AQR: variants seen among roughly 807,000 people sequenced by gnomAD.
AQR encodes the protein aquarius intron-binding spliceosomal factor.
Under a neutral mutation model 180.5 loss-of-function variants are expected in AQR, and 61 were observed. The ratio of observed to expected loss-of-function variants is 0.34; its 90% CI spans 0.28 to 0.42. AQR has a LOEUF of 0.42. Among genes scored for constraint, AQR ranks in the 10% least tolerant of loss-of-function variants. AQR has a pLI of 1.00. For synonymous variants in AQR, 551 were observed against 588.8 expected, an observed-to-expected ratio of 0.94 and a Z score of 0.93; for missense variants, 1,281 against 1,798.3, an observed-to-expected ratio of 0.71 and a Z score of 5.20.
At chr15:34,965,942 A>T (rs1424766153) in intron 1 of AQR, among the ~76,000 whole-genome samples, 2 of 152,208 alleles carry the variant, frequency 1.3e-5, no homozygotes, top group Non-Finnish European at 2.9e-5. Flanking sequence ...TTGATTAAAG[A>T]TTAGCAAACA....
intron 30 of AQR, among the ~76,000 whole-genome samples, chr15:34,872,893 C>T (rs1566979695): frequency 6.6e-6 from 1 of 151,948 alleles, no homozygotes; most frequent in Non-Finnish European, 1.5e-5. Flanking sequence ...TGCTACCAAC[C>T]AAAGACTATA....
At chr15:34,857,174 A>G in intron 34 of AQR, 68 bp from the exon 35 acceptor site, 1 of 1,410,814 alleles carries the variant, frequency 7.1e-7, no homozygotes, top group East Asian at 2.4e-5. Context: ...AAGCTCTCAC[A>G]TTACCATTCT....
chr15:34,922,588 T>C (rs1340841534), intron 13 of AQR, among the ~76,000 whole-genome samples: 2 of 152,114 alleles, frequency 1.3e-5, no homozygotes, highest in Non-Finnish European at 2.9e-5. Context: ...AGGGTCTTAC[T>C]CTGTCATCCA....
intron 13 of AQR, among the ~76,000 whole-genome samples, chr15:34,925,810 G>A (rs1893752357): frequency 6.6e-6 from 1 of 150,948 alleles, no homozygotes. Context: ...TCCAGCCTGG[G>A]CAATAGAGCA....
At position 34,933,832 on chromosome 15, in the gene AQR, C is replaced by G. The variant is rs369924283; in HGVS notation, c.783+739G>C. On this transcript the variant is annotated intron_variant, in intron 10 of 34. Coordinates refer to ENST00000156471, the MANE Select transcript of AQR (RefSeq NM_014691.3). ...GTGATGAATAAATACTTCATATAGA[C>G]CAGGCACGGTGGCTCACGCCTATAA... Among the ~76,000 whole-genome samples, 24 of 152,290 alleles carry G rather than the reference C, an allele frequency of 1.6e-4. 6 individuals are homozygous for G. The highest frequency in any genetic ancestry group is 3.9e-4 in the East Asian group (2 of 5,178).
intron 13 of AQR, among the ~76,000 whole-genome samples, chr15:34,921,433 CAA>C (rs71119990): frequency 0.15 from 11,211 of 74,488 alleles, 398 homozygotes; most frequent in Middle Eastern, 0.23. Context: ...GACTCCATCT[CAA>C]AAAAAAAAAA....
chr15:34,946,522 A>G (rs1894121018), intron 5 of AQR, among the ~76,000 whole-genome samples: 1 of 123,586 alleles, frequency 8.1e-6, no homozygotes, highest in African/African-American at 3.1e-5. Flanking sequence ...CCCGTCCGGG[A>G]GGGAGGTGAG....
chr15:34,870,479 A>C (rs1455938108), intron 31 of AQR, among the ~76,000 whole-genome samples: 1 of 152,186 alleles, frequency 6.6e-6, no homozygotes, highest in Non-Finnish European at 1.5e-5. Flanking sequence ...GTAACAGTAC[A>C]CATATTATAA....
chr15:34,930,127 A>G (rs915892496), intron 12 of AQR, 131 bp downstream of exon 12: 2 of 510,548 alleles, frequency 3.9e-6, no homozygotes, highest in Admixed American at 3.3e-5. Context: ...TGGAAAAAGA[A>G]ACGTTAAAAA....
chr15:34,966,597 G>A (rs2050310710), intron 1 of AQR, among the ~76,000 whole-genome samples: 1 of 152,208 alleles, frequency 6.6e-6, no homozygotes, highest in Non-Finnish European at 1.5e-5. Flanking sequence ...CTGTGTGTTA[G>A]ATTGTGAGAA....
Position 34,854,883 on chromosome 15 carries a change from T to C in AQR, c.*1909A>G, listed in dbSNP as rs1368726200. On this transcript the variant is annotated 3_prime_UTR_variant, in exon 35 of 35. Transcript: ENST00000156471. ...AAGGGAGAGAGAAAAATCAATCTTT[T>C]CCAGGAAAGATGGTAATACAGTAAA... 6.6e-6 allele frequency: 1 copy of C among 152,180 alleles called. No individual in the cohort carries two copies. Among genetic ancestry groups the C allele is most frequent in the Non-Finnish European group, 1.5e-5 (1 of 68,026 alleles). The allele number at this position is 152,180 out of a possible 1,614,324, so 9.4% of individuals were successfully genotyped here.
At chr15:34,962,927 T>C (rs115160129) in intron 2 of AQR, among the ~76,000 whole-genome samples, 2,840 of 152,010 alleles carry the variant, frequency 0.019, 81 homozygotes, top group African/African-American at 0.065. Context: ...AGCTTAAGAG[T>C]CTTCATTACT....
At chr15:34,961,022 T>C (rs1001144927) in intron 2 of AQR, among the ~76,000 whole-genome samples, 15 of 152,010 alleles carry the variant, frequency 9.9e-5, no homozygotes, top group Non-Finnish European at 2.1e-4. Context: ...AAAAAACAAA[T>C]AATAAAACAG....
chr15:34,893,346 G>A lies in AQR; in HGVS notation c.2571+317C>T, dbSNP rs532007697. Among the ~76,000 whole-genome samples, 66 of 152,178 alleles carry A rather than the reference G, an allele frequency of 4.3e-4. 3 individuals carry two copies. The South Asian group carries it at 0.012, about 27-fold the overall frequency. On this transcript the variant is annotated intron_variant, in intron 23 of 34. Transcript: ENST00000156471. Reference sequence around the variant, plus strand: ...AAGCTTTTCTAAATATGGTCACTGCGTGATGGGGAAGCAAGGGAGAGGAGG... The same window carrying A: ...AAGCTTTTCTAAATATGGTCACTGCATGATGGGGAAGCAAGGGAGAGGAGG...
In AQR at chr15:34,915,193, A is replaced by G; in HGVS notation, c.1343-14T>C. 1 of 1,573,708 alleles carries G rather than the reference A, an allele frequency of 6.4e-7. No homozygotes were observed. The highest frequency in any genetic ancestry group is 8.6e-7 in the Non-Finnish European group (1 of 1,167,762). ...GAGCAAGACAACCTGAAAAGGAAAA[A>G]AACATCCATATTTCAATTTTTTTTT... On this transcript the variant is annotated splice_polypyrimidine_tract_variant and intron_variant, in intron 15 of 34. Coordinates refer to ENST00000156471, the MANE Select transcript of AQR (RefSeq NM_014691.3).
intron 25 of AQR, 124 bp from the exon 26 acceptor site, chr15:34,884,858 T>C (rs1259073398): frequency 2.8e-6 from 2 of 722,918 alleles, no homozygotes; most frequent in South Asian, 1.8e-5. Context: ...ATTCAATCTT[T>C]GATCCAATAT....
At chr15:34,954,789 C>A (rs1324309451) in intron 3 of AQR, among the ~76,000 whole-genome samples, 1 of 152,000 alleles carries the variant, frequency 6.6e-6, no homozygotes, top group Non-Finnish European at 1.5e-5. Flanking sequence ...TTAAAAAAAA[C>A]AGGTCTATGA....
At position 34,943,197 on chromosome 15, in the gene AQR, C is replaced by T. The variant is rs567099420; in HGVS notation, c.471+1091G>A. On this transcript the variant is annotated intron_variant, in intron 6 of 34. Coordinates refer to ENST00000156471, the MANE Select transcript of AQR (RefSeq NM_014691.3). ...TTCTCTGTATGCCCAGGGAAAGCGG[C>T]GTTATGACAGGAAGCAGAGTGGCTA... 13 of 1,610,218 alleles carry T rather than the reference C, an allele frequency of 8.1e-6. No individual in the cohort carries two copies. The East Asian group carries it at 2.2e-4, about 28-fold the overall frequency.
rs1894160224 is a variant in AQR, at chr15:34,948,318, C to T, written c.276G>A (p.Met92Ile). Reference protein sequence around the residue: ...SPEVSSKAYLMSICCMVNEKF... With the variant: ...SPEVSSKAYLISICCMVNEKF... Reference sequence around the variant, plus strand: ...TCTCATTCACCATACAGCAGATTGACATTAAATAGGCCTTGCTAGATACCT... The same window carrying T: ...TCTCATTCACCATACAGCAGATTGATATTAAATAGGCCTTGCTAGATACCT... Residue 92 changes from methionine to isoleucine, a missense_variant, in exon 5 of 35, where the codon ATG becomes ATA. Transcript: ENST00000156471. The T allele has an allele frequency of 6.2e-7, 1 of 1,613,598 alleles. No individual in the cohort carries two copies.
Sources: allele counts gnomAD v4.1 joint callset (sites outside exome capture counted in the v4.1 genomes callset), GRCh38; gene constraint gnomAD v4.1.1; transcripts MANE v1.5; gene names NCBI Gene and HGNC (gene_info 2026-07-23, HGNC 2026-07-21).